DPP6: variants seen among roughly 807,000 people sequenced by gnomAD.
The protein encoded by DPP6 is dipeptidyl peptidase like 6.
In DPP6, 69 loss-of-function variants were observed where a neutral mutation model predicts 122.6. That is an observed-to-expected ratio of 0.56 (90% CI 0.46 to 0.69). The LOEUF (loss-of-function observed/expected upper bound fraction) is 0.69. DPP6 is among the 30% of genes least tolerant of loss of function. The pLI is 0.00. For synonymous variants in DPP6, 418 were observed against 433.1 expected (o/e 0.97, Z 0.43); for missense variants, 928 against 1,116.9 (o/e 0.83, Z 2.41).
chr7:154,559,915 AT>A (rs1410162336), intron 4 of DPP6, among the ~76,000 whole-genome samples: 17 of 76,392 alleles, frequency 2.2e-4, no homozygotes, highest in African/African-American at 4.3e-4. Flanking sequence ...CTTAAAAAAA[AT>A]AATATATATA....
At chr7:154,577,250 A>T (rs922398179) in intron 5 of DPP6, among the ~76,000 whole-genome samples, 1 of 152,056 alleles carries the variant, frequency 6.6e-6, no homozygotes, top group African/African-American at 2.4e-5. Flanking sequence ...CCCCCTGTCC[A>T]TCTTGCAGCG....
intron 1 of DPP6, among the ~76,000 whole-genome samples, chr7:153,910,582 ATG>A (rs1268439364): frequency 6.6e-6 from 1 of 152,068 alleles, no homozygotes; most frequent in Non-Finnish European, 1.5e-5. Context: ...CTAAATTTGC[ATG>A]TCAGCCTCTG....
intron 8 of DPP6, among the ~76,000 whole-genome samples, chr7:154,765,980 A>G (rs570872767): frequency 1.3e-5 from 2 of 152,348 alleles, no homozygotes; most frequent in South Asian, 4.2e-4. Context: ...TTTGCAGAAT[A>G]GGGACATTTG....
rs75728397 is a variant in DPP6 at position 154,203,056 on chromosome 7, T to C, written c.243+149993T>C. Among the ~76,000 whole-genome samples, 574 of 152,298 alleles carry C rather than the reference T, an allele frequency of 3.8e-3. 4 individuals are homozygous for C. The highest frequency in any genetic ancestry group is 0.013 in the African/African-American group (550 of 41,556). On this transcript the variant is annotated intron_variant, in intron 1 of 25. Coordinates refer to ENST00000377770, the MANE Select transcript of DPP6 (RefSeq NM_130797.4). ...AGTTCTGATTTTGCCGCTTACTAGGTGGTGACCTTGAATAAATTACTTAAA... is the reference window on the plus strand; with the variant it reads ...AGTTCTGATTTTGCCGCTTACTAGGCGGTGACCTTGAATAAATTACTTAAA...
rs1443433012 is a variant in DPP6, at chr7:154,893,104, T to A, written c.*624T>A. ...CTCGTATTTTTCTATGGTTTTAACC[T>A]GATGCTCCACTGTCTCCGTCATGGG... On this transcript the variant is annotated 3_prime_UTR_variant, in exon 26 of 26. Transcript: ENST00000377770. The A allele has an allele frequency of 2.7e-6, 1 of 373,966 alleles. No individual in the cohort carries two copies. Among genetic ancestry groups the A allele is most frequent in the Non-Finnish European group, 5.3e-6 (1 of 189,276 alleles). The allele number at this position is 373,966 out of a possible 1,614,324, so 23.2% of individuals were successfully genotyped here. A position where few individuals can be genotyped will look rare whatever the true frequency, so the allele number is the denominator to read the frequency against.
At chr7:154,273,156 T>C (rs1224255889) in intron 1 of DPP6, among the ~76,000 whole-genome samples, 1 of 152,194 alleles carries the variant, frequency 6.6e-6, no homozygotes, top group Non-Finnish European at 1.5e-5. Flanking sequence ...TCCCCAGGAA[T>C]TGATTTGAGT....
intron 4 of DPP6, among the ~76,000 whole-genome samples, chr7:154,548,670 G>T (rs1040712412): frequency 6.6e-6 from 1 of 152,138 alleles, no homozygotes; most frequent in Non-Finnish European, 1.5e-5. Flanking sequence ...AGTCAGGGAA[G>T]GCCTTCTCTG....
chr7:154,224,559 G>A (rs984751838), intron 1 of DPP6, among the ~76,000 whole-genome samples: 3 of 149,082 alleles, frequency 2.0e-5, no homozygotes, highest in Non-Finnish European at 4.4e-5. Context: ...GACCTTAAAT[G>A]AAGACTTAAC....
At chr7:154,889,648 C>T (rs1584999159) in intron 25 of DPP6, 118 bp downstream of exon 25, 6 of 1,479,266 alleles carry the variant, frequency 4.1e-6, no homozygotes, top group South Asian at 1.3e-5. Flanking sequence ...CTGTGGTGGT[C>T]GGTGATGAGC....
intron 1 of DPP6, among the ~76,000 whole-genome samples, chr7:154,389,108 C>T (rs923772433): frequency 3.3e-5 from 5 of 152,148 alleles, no homozygotes; most frequent in Admixed American, 6.5e-5. Flanking sequence ...AGAAAGTTCA[C>T]GGCTCCCTCA....
rs1554431500 is a variant in DPP6 at position 154,671,864 on chromosome 7, G to GCACACACACACACGTGCA, written c.762+2436_762+2437insGTGCACACACACACACAC. 9.5e-5 allele frequency among the ~76,000 whole-genome samples: 7 copies of GCACACACACACACGTGCA among 73,464 alleles called. No individual in the cohort carries two copies. The South Asian group carries it at 2.2e-3, about 23-fold the overall frequency. 48.2% of individuals were successfully genotyped at this position (73,464 alleles called of 152,430 possible). A position where few individuals can be genotyped will look rare whatever the true frequency, so the allele number is the denominator to read the frequency against. ...CTGACACCTCCCCCAACACACACAT[G>GCACACACACACACGTGCA]CACACACACACACACACACACACAA... On this transcript the variant is annotated intron_variant, in intron 7 of 25. Coordinates refer to ENST00000377770, the MANE Select transcript of DPP6 (RefSeq NM_130797.4).
At chr7:154,062,074 T>C in intron 1 of DPP6, among the ~76,000 whole-genome samples, 1 of 108,616 alleles carries the variant, frequency 9.2e-6, no homozygotes. Context: ...GTTCCCCCAC[T>C]GGCTCTTAGG....
chr7:153,764,731 A>G, the DPP6 span, among the ~76,000 whole-genome samples: 1 of 150,524 alleles, frequency 6.6e-6, no homozygotes, highest in Non-Finnish European at 1.5e-5. Flanking sequence ...CTTTGGCTCT[A>G]TTGGGTGGAG....
At chr7:154,599,482 AG>A (rs1361987739) in intron 5 of DPP6, among the ~76,000 whole-genome samples, 2 of 148,992 alleles carry the variant, frequency 1.3e-5, no homozygotes, top group African/African-American at 5.1e-5. Context: ...TCTCTACTCA[AG>A]TGGACTTCTT....
chr7:154,307,305 G>C (rs1171316437), intron 1 of DPP6, among the ~76,000 whole-genome samples: 2 of 152,138 alleles, frequency 1.3e-5, no homozygotes, highest in South Asian at 2.1e-4. Flanking sequence ...CCATGTCCTT[G>C]AACCTATTCA....
the DPP6 span, among the ~76,000 whole-genome samples, chr7:153,875,008 T>G: frequency 6.6e-6 from 1 of 152,156 alleles, no homozygotes; most frequent in African/African-American, 2.4e-5. Flanking sequence ...CAACAGATAT[T>G]AGCTGCTGTA....
At chr7:154,011,232 G>A (rs1374678544) in intron 1 of DPP6, among the ~76,000 whole-genome samples, 36 of 152,174 alleles carry the variant, frequency 2.4e-4, no homozygotes, top group Admixed American at 2.4e-3. Flanking sequence ...CTTCCTCTTG[G>A]GATGGAGAGT....
In DPP6 at chr7:154,483,910, G is replaced by A. The variant is rs928380797; in HGVS notation, c.457+8873G>A. Among the ~76,000 whole-genome samples the A allele has an allele frequency of 6.6e-6, 1 of 152,106 alleles. No individual in the cohort carries two copies. The highest frequency in any genetic ancestry group is 1.5e-5 in the Non-Finnish European group (1 of 68,030). ...GGGTTTCCCCATATTGCTCAGGCTG[G>A]TCTTGAACTCCTGACCTCGTGATCT... On this transcript the variant is annotated intron_variant, in intron 3 of 25. Transcript: ENST00000377770. The surrounding 1 kb of genome is among the most constrained non-coding windows in gnomAD (Gnocchi z 8.1).
At chr7:154,666,671 C>T (rs1002116719) in intron 6 of DPP6, among the ~76,000 whole-genome samples, 1 of 152,158 alleles carries the variant, frequency 6.6e-6, no homozygotes, top group African/African-American at 2.4e-5. Context: ...CTCCCAGCCT[C>T]TGGTAACCAC....
Sources: allele counts gnomAD v4.1 joint callset (sites outside exome capture counted in the v4.1 genomes callset), GRCh38; gene constraint gnomAD v4.1.1; non-coding constraint Gnocchi (gnomAD v3.1); transcripts MANE v1.5; gene names NCBI Gene and HGNC (gene_info 2026-07-23, HGNC 2026-07-21).